Variants in TENT2 observed in about 807,000 individuals in gnomAD.
The protein encoded by TENT2 is poly(A) RNA polymerase GLD2.
A neutral mutation model predicts 72.2 loss-of-function variants in TENT2; 44 were observed. That is an observed-to-expected ratio of 0.61 (90% CI 0.48 to 0.78). The LOEUF is 0.78. TENT2 is among the 30% of genes least tolerant of loss of function. The pLI is 0.00. For synonymous variants in TENT2, 212 were observed against 192.5 expected (o/e 1.10, Z -0.84); for missense variants, 541 against 569.6 (o/e 0.95, Z 0.51).
chr5:79,664,657 A>G (rs538409020), intron 11 of TENT2, among the ~76,000 whole-genome samples: 61 of 152,152 alleles, frequency 4.0e-4, no homozygotes, highest in Middle Eastern at 6.8e-3. Flanking sequence ...TGGTTATAAA[A>G]CATTGTTTTA....
chr5:79,664,386 T>A (rs1042900246), intron 11 of TENT2, among the ~76,000 whole-genome samples: 5 of 151,988 alleles, frequency 3.3e-5, no homozygotes, highest in Admixed American at 1.3e-4. Flanking sequence ...CACAAGGTAA[T>A]GAGATCGAGA....
Position 79,623,234 on chromosome 5 carries a change from T to G in TENT2, c.228-18T>G, listed in dbSNP as rs1238246091. 2.6e-6 allele frequency: 4 copies of G among 1,556,718 alleles called. No homozygotes were observed. Among genetic ancestry groups the G allele is most frequent in the African/African-American group, 1.4e-5 (1 of 73,378 alleles). On this transcript the variant is annotated intron_variant, in intron 3 of 14. Coordinates refer to ENST00000453514, the MANE Select transcript of TENT2 (RefSeq NM_001114394.3). ...AAAGTTGTATCTTTAATTACTAAGG[T>G]ATATTGCTTGTTTTCAGGAGATTAA...
At chr5:79,667,908 C>T (rs1175295929) in intron 11 of TENT2, among the ~76,000 whole-genome samples, 1 of 148,224 alleles carries the variant, frequency 6.7e-6, no homozygotes. Flanking sequence ...CCGTAGTTGT[C>T]ATTCTGCTGC....
chr5:79,676,151 C>T (rs1817094182), intron 12 of TENT2, among the ~76,000 whole-genome samples: 1 of 135,506 alleles, frequency 7.4e-6, no homozygotes, highest in African/African-American at 3.2e-5. Flanking sequence ...TATATATATA[C>T]ATATATATGT....
At chr5:79,637,994 T>G (rs1580345259) in intron 4 of TENT2, among the ~76,000 whole-genome samples, 2 of 152,032 alleles carry the variant, frequency 1.3e-5, no homozygotes, top group East Asian at 1.9e-4. Context: ...GAGATGGGAT[T>G]TCACCATGTT....
Position 79,657,008 on chromosome 5 carries a change from GTTTCTT to G in TENT2, c.1071+8_1071+13del. 6.4e-7 allele frequency: 1 copy of G among 1,558,598 alleles called. No individual in the cohort carries two copies. Among genetic ancestry groups the G allele is most frequent in the Non-Finnish European group, 8.8e-7 (1 of 1,131,872 alleles). ...CCTCCAAAAAATTTACCCAGTAAGT[GTTTCTT>G]ATAAATTATTATAATACATTTTATG... On this transcript the variant is annotated splice_region_variant and intron_variant, in intron 11 of 14. Coordinates refer to ENST00000453514, the MANE Select transcript of TENT2 (RefSeq NM_001114394.3).
chr5:79,651,799 T>C (rs1381337004), intron 10 of TENT2, among the ~76,000 whole-genome samples: 3 of 152,092 alleles, frequency 2.0e-5, no homozygotes. Context: ...CTAAAGTGTT[T>C]ATGTTAATGT....
intron 11 of TENT2, among the ~76,000 whole-genome samples, chr5:79,659,330 A>C (rs983406498): frequency 2.0e-5 from 3 of 150,972 alleles, no homozygotes; most frequent in African/African-American, 7.3e-5. Context: ...GTCAGGAGTT[A>C]AAGACCAGCC....
At chr5:79,623,166 TA>T in intron 3 of TENT2, 85 bp from the exon 4 acceptor site, 2 of 893,692 alleles carry the variant, frequency 2.2e-6, no homozygotes, top group East Asian at 5.4e-5. Context: ...CATTATCTCT[TA>T]TGATATTTAT....
rs533845695 is a variant in TENT2, at chr5:79,622,350, C to T, written c.228-902C>T. On this transcript the variant is annotated intron_variant, in intron 3 of 14. Coordinates refer to ENST00000453514, the MANE Select transcript of TENT2 (RefSeq NM_001114394.3). ...TAGAATTTTCAGGCTTAAAAGGAAT[C>T]GGGCCATTTTCTGTGGCATAAAGTA... 1.2e-4 allele frequency among the ~76,000 whole-genome samples: 19 copies of T among 152,064 alleles called. No homozygotes were observed. In the South Asian group the frequency reaches 2.7e-3, roughly 22 times the overall value.
chr5:79,634,237 A>C (rs114569271), intron 4 of TENT2, among the ~76,000 whole-genome samples: 2,763 of 151,986 alleles, frequency 0.018, 94 homozygotes, highest in African/African-American at 0.062. Flanking sequence ...AGACAATGGC[A>C]ATTTTATTGG....
intron 7 of TENT2, among the ~76,000 whole-genome samples, chr5:79,643,862 A>G (rs1389517334): frequency 6.6e-6 from 1 of 152,066 alleles, no homozygotes; most frequent in African/African-American, 2.4e-5. Context: ...CAATGGATTT[A>G]GTAACTTGCC....
Position 79,639,153 on chromosome 5 carries a change from T to C in TENT2, c.466-1698T>C, listed in dbSNP as rs563646781. Among the ~76,000 whole-genome samples, 238 of 152,116 alleles carry C rather than the reference T, an allele frequency of 1.6e-3. 2 individuals carry two copies. The Middle Eastern group carries it at 0.017, about 11-fold the overall frequency. ...GGGGAAAAGGACGCCTTTTTTTTTTTCCCCAGATATGTTCATTTTTAGGTC... is the reference window on the plus strand; with the variant it reads ...GGGGAAAAGGACGCCTTTTTTTTTTCCCCCAGATATGTTCATTTTTAGGTC... On this transcript the variant is annotated intron_variant, in intron 4 of 14. Coordinates refer to ENST00000453514, the MANE Select transcript of TENT2 (RefSeq NM_001114394.3).
At chr5:79,660,550 A>G (rs772103264) in intron 11 of TENT2, among the ~76,000 whole-genome samples, 11 of 152,188 alleles carry the variant, frequency 7.2e-5, no homozygotes, top group African/African-American at 1.7e-4. Context: ...AAAGAATTCT[A>G]TAGCTCTTCT....
chr5:79,635,787 C>G (rs1179958261), intron 4 of TENT2, among the ~76,000 whole-genome samples: 1 of 152,190 alleles, frequency 6.6e-6, no homozygotes, highest in Non-Finnish European at 1.5e-5. Context: ...AACTCCTGAG[C>G]TCCGGCAGTC....
At chr5:79,638,961 C>T (rs1247273029) in intron 4 of TENT2, among the ~76,000 whole-genome samples, 2 of 152,102 alleles carry the variant, frequency 1.3e-5, no homozygotes, top group African/African-American at 2.4e-5. Flanking sequence ...CAACATTTTA[C>T]GTGATGGGTG....
intron 11 of TENT2, among the ~76,000 whole-genome samples, chr5:79,660,530 G>C (rs535586000): frequency 6.6e-6 from 1 of 152,110 alleles, no homozygotes; most frequent in East Asian, 1.9e-4. Flanking sequence ...CTTTTTAATA[G>C]TTATGAAATA....
rs1826115808 is a variant in TENT2, at chr5:79,686,618, A to C, written c.*1345A>C. The C allele has an allele frequency of 2.6e-5, 4 of 152,254 alleles. No homozygotes were observed. In the South Asian group the frequency reaches 8.3e-4, roughly 32 times the overall value. The allele number at this position is 152,254 out of a possible 1,614,324, so 9.4% of individuals were successfully genotyped here. ...AAGTTCAAATTTTTGTATGATGTCA[A>C]ATGCAATAAAATTTATATATGGACA... is the stretch of plus-strand genomic sequence containing the variant. On this transcript the variant is annotated 3_prime_UTR_variant, in exon 15 of 15. Coordinates refer to ENST00000453514, the MANE Select transcript of TENT2 (RefSeq NM_001114394.3).
At chr5:79,664,424 G>A (rs1025702838) in intron 11 of TENT2, among the ~76,000 whole-genome samples, 5 of 151,954 alleles carry the variant, frequency 3.3e-5, no homozygotes, top group African/African-American at 4.8e-5. Flanking sequence ...GTCAAACCCC[G>A]TCTCTACTAA....
Sources: gnomAD v4.1 joint callset for allele counts (sites outside exome capture counted in the v4.1 genomes callset) on GRCh38, gnomAD v4.1.1 for gene constraint, MANE v1.5 for transcripts, NCBI Gene and HGNC (gene_info 2026-07-23, HGNC 2026-07-21) for gene names.